The following RYR2 variants were observed in gnomAD, a reference collection of about 807,000 sequenced individuals.
RYR2 encodes cardiac muscle ryanodine receptor-calcium release channel.
RYR2 carries 227 observed loss-of-function variants against 601.1 expected under a neutral mutation model. That is an observed-to-expected ratio of 0.38 (90% confidence interval 0.34 to 0.42). RYR2 has a LOEUF of 0.42. Among genes scored for constraint, RYR2 ranks in the 10% least tolerant of loss-of-function variants. The pLI is 1.00. For synonymous variants in RYR2, 2,223 were observed against 2,175.1 expected (o/e 1.02, Z -0.61); for missense variants, 4,646 against 6,156.5 (o/e 0.75, Z 8.21).
At chr1:237,301,158 A>T (rs1243373635) in intron 2 of RYR2, among the ~76,000 whole-genome samples, 1 of 152,172 alleles carries the variant, frequency 6.6e-6, no homozygotes, top group Non-Finnish European at 1.5e-5. Flanking sequence ...GTTAATTAAC[A>T]GACTTTAAAA....
intron 29 of RYR2, among the ~76,000 whole-genome samples, chr1:237,576,021 G>C (rs914582917): frequency 6.6e-6 from 1 of 152,052 alleles, no homozygotes; most frequent in South Asian, 2.1e-4. Context: ...GCAGTAGCTA[G>C]GTATCTCTCT....
At chr1:237,314,403 A>C (rs1694905636) in intron 2 of RYR2, among the ~76,000 whole-genome samples, 1 of 152,142 alleles carries the variant, frequency 6.6e-6, no homozygotes, top group Admixed American at 6.5e-5. Context: ...CACATATCTC[A>C]ATTAGGCAGC....
Position 237,503,353 on chromosome 1 carries a change from C to T in RYR2, c.2461C>T (p.Pro821Ser). ...FKFLPPPGYA[P>S]CYEAVLPKEK... ...ATTTCTTCCTCCACCTGGGTATGCT[C>T]CTTGTTATGAAGCTGTTCTGCCAAA... The change falls in exon 22 of 105, where the codon CCT (proline) becomes TCT (serine). Residue 821 changes from proline (P) to serine (S), a missense_variant. Around this residue, in one of 17 missense-constraint regions of RYR2, gnomAD observed 1,807 missense variants for 2,088.1 expected, o/e 0.87. Coordinates refer to ENST00000366574, the MANE Select transcript of RYR2 (RefSeq NM_001035.3). 1 of 1,613,890 alleles carries T rather than the reference C, an allele frequency of 6.2e-7. No individual in the cohort carries two copies. Among genetic ancestry groups the T allele is most frequent in the Non-Finnish European group, 8.5e-7 (1 of 1,179,876 alleles).
At chr1:237,082,524 C>CATATATATATATATAT (rs71561856) in intron 1 of RYR2, among the ~76,000 whole-genome samples, 3,616 of 79,394 alleles carry the variant, frequency 0.046, 271 homozygotes, top group Non-Finnish European at 0.074. Context: ...AATAGGAAAA[C>CATATATATATATATAT]ATATATATAT....
At chr1:237,715,817 G>C (rs1442188498) in intron 71 of RYR2, among the ~76,000 whole-genome samples, 1 of 151,960 alleles carries the variant, frequency 6.6e-6, no homozygotes, top group Non-Finnish European at 1.5e-5. Context: ...ATATCAATTT[G>C]CTTAATTTTT....
intron 10 of RYR2, among the ~76,000 whole-genome samples, chr1:237,414,718 T>C (rs1173598564): frequency 6.6e-6 from 1 of 152,204 alleles, no homozygotes; most frequent in East Asian, 1.9e-4. Flanking sequence ...TGAAAATATA[T>C]GCTAAGTTGT....
chr1:237,168,082 A>G (rs925816810), intron 1 of RYR2, among the ~76,000 whole-genome samples: 1 of 152,152 alleles, frequency 6.6e-6, no homozygotes, highest in African/African-American at 2.4e-5. Flanking sequence ...ATCTCAGGAG[A>G]ACAGTAATCC....
chr1:237,252,407 A>G (rs1687547518), intron 1 of RYR2, among the ~76,000 whole-genome samples: 3 of 152,054 alleles, frequency 2.0e-5, no homozygotes, highest in African/African-American at 4.8e-5. Context: ...CAGAGAGGTC[A>G]TTTACGACCA....
intron 27 of RYR2, among the ~76,000 whole-genome samples, chr1:237,565,036 A>G (rs983659365): frequency 2.6e-5 from 4 of 152,170 alleles, no homozygotes; most frequent in African/African-American, 9.7e-5. Flanking sequence ...TTAAATTTTT[A>G]TTATGCATAA....
At chr1:237,583,150 G>GT (rs1410633505) in intron 29 of RYR2, among the ~76,000 whole-genome samples, 2 of 151,962 alleles carry the variant, frequency 1.3e-5, no homozygotes, top group African/African-American at 4.8e-5. Context: ...GCTCTTTGTG[G>GT]TTTTGATTTG....
rs1306804742 is a variant in RYR2 at position 237,423,119 on chromosome 1, A to T, written c.876A>T (p.Gly292=). 27 of 1,613,616 alleles carry T rather than the reference A, an allele frequency of 1.7e-5. No homozygotes were observed. The highest frequency in any genetic ancestry group is 2.2e-5 in the Non-Finnish European group (26 of 1,179,778). The change falls in exon 12 of 105, where the codon GGA becomes GGT. Residue 292 remains glycine, a synonymous_variant. Coordinates refer to ENST00000366574, the MANE Select transcript of RYR2 (RefSeq NM_001035.3). ...GGAGTGGAAGCCACATAAGATGGGG[A>T]CAGCCATTCCGACTACGCCATGTCA... ...VAWSGSHIRW[G]QPFRLRHVTT...
intron 1 of RYR2, among the ~76,000 whole-genome samples, chr1:237,198,885 A>G (rs1680864958): frequency 1.3e-5 from 2 of 151,668 alleles, no homozygotes. Flanking sequence ...TCCATGCGTG[A>G]ATTAAGAAAG....
rs747614796 is a variant in RYR2, at chr1:237,648,478, G to A, written c.7377G>A (p.Gly2459=). Residue 2459 remains glycine, a synonymous_variant, in exon 49 of 105, where the codon GGG becomes GGA. Transcript: ENST00000366574. The part of the protein sequence containing the change: ...GNVVEPDMSA[G]FCPDHKAAMV... The stretch of plus-strand genomic sequence containing the variant: ...TGGTGGAACCTGACATGTCTGCGGG[G>A]TTTTGCCCAGATCACAAGGCAGCCA... 1.9e-6 allele frequency: 3 copies of A among 1,610,646 alleles called. No individual in the cohort carries two copies. Among genetic ancestry groups the A allele is most frequent in the African/African-American group, 1.3e-5 (1 of 74,870 alleles).
chr1:237,731,919 C>CA (rs34340306), intron 77 of RYR2, 127 bp from the exon 78 acceptor site: 35 of 609,184 alleles, frequency 5.7e-5, no homozygotes, highest in Admixed American at 1.1e-4. Flanking sequence ...CACACACACA[C>CA]CCCACAACAG....
At chr1:237,605,088 CT>C (rs1380928289) in intron 35 of RYR2, among the ~76,000 whole-genome samples, 2 of 152,090 alleles carry the variant, frequency 1.3e-5, no homozygotes, top group African/African-American at 4.8e-5. Flanking sequence ...CAGCATCATC[CT>C]GATACCAAAG....
intron 102 of RYR2, chr1:237,830,306 G>T (rs187384981): frequency 2.3e-6 from 1 of 431,602 alleles, no homozygotes; most frequent in Non-Finnish European, 4.3e-6. Context: ...CCCTGTCTGC[G>T]TCTGCTACTT....
At chr1:237,135,230 T>C (rs935185312) in intron 1 of RYR2, among the ~76,000 whole-genome samples, 11 of 152,186 alleles carry the variant, frequency 7.2e-5, no homozygotes, top group South Asian at 2.1e-4. Flanking sequence ...TTTCCAGTTA[T>C]CTTGTAATAG....
intron 1 of RYR2, among the ~76,000 whole-genome samples, chr1:237,135,618 C>T (rs757343339): frequency 5.9e-5 from 9 of 151,736 alleles, no homozygotes; most frequent in East Asian, 1.9e-4. Context: ...ACTTGTGATC[C>T]GCTCGCCTCA....
At chr1:237,276,162 C>T (rs114588491) in intron 2 of RYR2, among the ~76,000 whole-genome samples, 126 of 152,190 alleles carry the variant, frequency 8.3e-4, no homozygotes, top group African/African-American at 2.8e-3. Context: ...CGTGGTAGCA[C>T]GAACTCGGCT....
Sources: allele counts gnomAD v4.1 joint callset (sites outside exome capture counted in the v4.1 genomes callset), GRCh38; gene constraint gnomAD v4.1.1; regional missense constraint gnomAD v4.1.1; transcripts MANE v1.5; gene names NCBI Gene and HGNC (gene_info 2026-07-23, HGNC 2026-07-21).